The following FHIT variants were observed in gnomAD, a reference collection of about 807,000 sequenced individuals.
FHIT encodes fragile histidine triad diadenosine triphosphatase.
FHIT carries 19 observed loss-of-function variants against 17.9 expected under a neutral mutation model. The ratio of observed to expected loss-of-function variants is 1.06; its 90% CI spans 0.74 to 1.56. The LOEUF is 1.56. Ranked by LOEUF, FHIT falls within the 40% of genes most tolerant of loss-of-function variation. FHIT has a pLI of 0.00. For synonymous variants in FHIT, 81 were observed against 69.7 expected, an observed-to-expected ratio of 1.16 and a Z score of -0.81; for missense variants, 248 against 189.2, an observed-to-expected ratio of 1.31 and a Z score of -1.82.
chr3:61,048,678 C>T (rs1005038231), intron 2 of FHIT, among the ~76,000 whole-genome samples: 4 of 152,078 alleles, frequency 2.6e-5, no homozygotes, highest in African/African-American at 4.8e-5. Context: ...CACATGCATA[C>T]GTATGTTTAT....
chr3:60,084,104 T>C (rs1207229060), intron 5 of FHIT, among the ~76,000 whole-genome samples: 1 of 152,174 alleles, frequency 6.6e-6, no homozygotes, highest in East Asian at 1.9e-4. Context: ...CGTACATACA[T>C]AATGTTGTAT....
chr3:59,748,792 T>C lies in FHIT; in HGVS notation c.*793A>G, dbSNP rs191758494. Among the ~76,000 whole-genome samples the C allele has an allele frequency of 6.2e-4, 95 of 152,298 alleles. No individual in the cohort carries two copies. The highest frequency in any genetic ancestry group is 1.1e-3 in the Non-Finnish European group (75 of 68,016). The stretch of plus-strand genomic sequence containing the variant: ...CCACTTACCGTTGGCCTTGAACTAA[T>C]AATACTTAACATCCTTAAGCCTTAG... On this transcript the variant is annotated 3_prime_UTR_variant, in exon 10 of 10. Coordinates refer to ENST00000492590, the MANE Select transcript of FHIT (RefSeq NM_002012.4).
At chr3:60,221,532 A>G (rs1321182524) in intron 5 of FHIT, among the ~76,000 whole-genome samples, 1 of 152,178 alleles carries the variant, frequency 6.6e-6, no homozygotes, top group African/African-American at 2.4e-5. Context: ...AGTGGCTTCA[A>G]TATGTACTAA....
intron 7 of FHIT, among the ~76,000 whole-genome samples, chr3:59,962,663 T>C (rs141368202): frequency 2.0e-5 from 3 of 152,358 alleles, no homozygotes; most frequent in African/African-American, 7.2e-5. Flanking sequence ...TAAGGAGATA[T>C]TTAAATGTAA....
rs796140407 is a variant in FHIT, at chr3:60,092,378, C to G, written c.104-78226G>C. ...GGTTCTCAACCTAAGAAATAATGATCTGTTGCAAGGACAGGCTGGCCATGG... is the reference window on the plus strand; with the variant it reads ...GGTTCTCAACCTAAGAAATAATGATGTGTTGCAAGGACAGGCTGGCCATGG... On this transcript the variant is annotated intron_variant, in intron 5 of 9. Coordinates refer to ENST00000492590, the MANE Select transcript of FHIT (RefSeq NM_002012.4). 2.0e-5 allele frequency among the ~76,000 whole-genome samples: 3 copies of G among 152,268 alleles called. 1 individual carries two copies. The highest frequency in any genetic ancestry group is 7.2e-5 in the African/African-American group (3 of 41,556).
chr3:61,107,709 A>T (rs1163194336), intron 2 of FHIT, among the ~76,000 whole-genome samples: 5 of 152,226 alleles, frequency 3.3e-5, no homozygotes, highest in African/African-American at 1.2e-4. Flanking sequence ...TGAGCAATGA[A>T]CAGTTTGTGA....
At chr3:60,569,850 C>G (rs1435280492) in intron 4 of FHIT, among the ~76,000 whole-genome samples, 1 of 149,534 alleles carries the variant, frequency 6.7e-6, no homozygotes, top group Admixed American at 6.7e-5. Flanking sequence ...CTCACAGGTT[C>G]AAGTGATTCT....
At chr3:59,779,539 G>A (rs1398677323) in intron 8 of FHIT, among the ~76,000 whole-genome samples, 1 of 152,148 alleles carries the variant, frequency 6.6e-6, no homozygotes, top group South Asian at 2.1e-4. Context: ...CAGGCATAAA[G>A]GGTATGTATG....
intron 5 of FHIT, among the ~76,000 whole-genome samples, chr3:60,038,967 G>T (rs1384001610): frequency 1.3e-5 from 2 of 152,102 alleles, no homozygotes; most frequent in Non-Finnish European, 2.9e-5. Context: ...GGAGGGGGTG[G>T]TCAGGAATTT....
intron 8 of FHIT, among the ~76,000 whole-genome samples, chr3:59,907,362 G>T (rs1704630589): frequency 6.6e-6 from 1 of 152,152 alleles, no homozygotes; most frequent in Admixed American, 6.5e-5. Flanking sequence ...CCATCTCTTG[G>T]CTAAAGGGAA....
intron 5 of FHIT, among the ~76,000 whole-genome samples, chr3:60,445,060 C>T (rs1431551167): frequency 6.6e-6 from 1 of 152,074 alleles, no homozygotes; most frequent in African/African-American, 2.4e-5. Flanking sequence ...GGCTTAGTTA[C>T]CTGAGCCCTA....
intron 8 of FHIT, among the ~76,000 whole-genome samples, chr3:59,827,961 C>T (rs960963351): frequency 6.6e-6 from 1 of 152,198 alleles, no homozygotes; most frequent in Non-Finnish European, 1.5e-5. Context: ...AGATGAATTA[C>T]AACACCTCAC....
chr3:61,107,422 C>CT (rs2036022704), intron 2 of FHIT, among the ~76,000 whole-genome samples: 1 of 152,080 alleles, frequency 6.6e-6, no homozygotes, highest in African/African-American at 2.4e-5. Flanking sequence ...ATGAATAATG[C>CT]TACAATAAAC....
At chr3:60,690,669 C>T in intron 4 of FHIT, 4 of 491,446 alleles carry the variant, frequency 8.1e-6, no homozygotes, top group Non-Finnish European at 1.6e-5. Flanking sequence ...AGACGCAGCC[C>T]AAGGGCTCGC....
At chr3:59,769,368 C>T (rs1701961190) in intron 8 of FHIT, among the ~76,000 whole-genome samples, 1 of 152,166 alleles carries the variant, frequency 6.6e-6, no homozygotes, top group African/African-American at 2.4e-5. Context: ...CCTGCTCACC[C>T]TCCATTGGGT....
intron 1 of FHIT, among the ~76,000 whole-genome samples, chr3:61,207,453 C>A (rs2039283560): frequency 6.6e-6 from 1 of 152,080 alleles, no homozygotes; most frequent in African/African-American, 2.4e-5. Context: ...TGGTCCTGGA[C>A]TTTTTTTGGT....
intron 5 of FHIT, among the ~76,000 whole-genome samples, chr3:60,233,651 T>C (rs1456548050): frequency 6.6e-6 from 1 of 152,210 alleles, no homozygotes; most frequent in African/African-American, 2.4e-5. Context: ...TAAGCTGATA[T>C]AGTTTGGCTG....
intron 5 of FHIT, among the ~76,000 whole-genome samples, chr3:60,374,888 C>T (rs979380091): frequency 6.6e-6 from 1 of 151,930 alleles, no homozygotes; most frequent in Non-Finnish European, 1.5e-5. Flanking sequence ...TGCTGCTCTA[C>T]AGTCAGTTAA....
At chr3:61,208,026 G>A (rs367919937) in intron 1 of FHIT, among the ~76,000 whole-genome samples, 136 of 152,110 alleles carry the variant, frequency 8.9e-4, no homozygotes, top group East Asian at 3.1e-3. Context: ...CTTTGTTCTC[G>A]TTGGTTTCAA....
Sources: gnomAD v4.1 joint callset for allele counts (sites outside exome capture counted in the v4.1 genomes callset) on GRCh38, gnomAD v4.1.1 for gene constraint, MANE v1.5 for transcripts, NCBI Gene and HGNC (gene_info 2026-07-23, HGNC 2026-07-21) for gene names.